Variants in AGBL4 observed in about 807,000 individuals in gnomAD.
The protein encoded by AGBL4 is cytosolic carboxypeptidase 6.
Under a neutral mutation model 66.4 loss-of-function variants are expected in AGBL4, and 58 were observed. The observed-to-expected ratio is 0.87, with a 90% confidence interval of 0.71 to 1.09. The LOEUF is 1.09. AGBL4 is among the 50% of genes least tolerant of loss of function. The pLI is 0.00. For synonymous variants in AGBL4, 234 were observed against 222.9 expected (o/e 1.05, Z -0.44); for missense variants, 579 against 631.0 (o/e 0.92, Z 0.88).
chr1:49,843,811 G>A (rs953973990), intron 2 of AGBL4, among the ~76,000 whole-genome samples: 2 of 152,028 alleles, frequency 1.3e-5, no homozygotes, highest in African/African-American at 4.8e-5. Context: ...ACAATATGGG[G>A]AAGGTACCCA....
At chr1:49,961,229 C>A (rs5005268) in intron 1 of AGBL4, among the ~76,000 whole-genome samples, 91,752 of 151,978 alleles carry the variant, frequency 0.6, 28,366 homozygotes, top group Non-Finnish European at 0.67. Flanking sequence ...TTGTTCTTGG[C>A]AAGTCATGGT....
chr1:48,548,955 G>A (rs1644208811), intron 11 of AGBL4, among the ~76,000 whole-genome samples: 1 of 152,152 alleles, frequency 6.6e-6, no homozygotes, highest in South Asian at 2.1e-4. Context: ...TGTTCTAGGA[G>A]CTAGGATACA....
At chr1:49,787,493 ACT>A (rs1336932320) in intron 2 of AGBL4, among the ~76,000 whole-genome samples, 7 of 146,258 alleles carry the variant, frequency 4.8e-5, no homozygotes, top group Middle Eastern at 3.5e-3. Context: ...ACAGAGCGAG[ACT>A]CTGTCTCAAA....
chr1:49,332,671 C>T (rs893982226), intron 3 of AGBL4, among the ~76,000 whole-genome samples: 3 of 152,126 alleles, frequency 2.0e-5, no homozygotes, highest in African/African-American at 7.2e-5. Context: ...TTAGTAACAT[C>T]AAGTTTAACA....
intron 3 of AGBL4, among the ~76,000 whole-genome samples, chr1:49,277,409 C>A (rs1384893671): frequency 6.6e-6 from 1 of 152,070 alleles, no homozygotes; most frequent in Non-Finnish European, 1.5e-5. Context: ...ATTTCAGTTT[C>A]TTTTCTTGAT....
At chr1:49,279,150 C>T (rs1644227565) in intron 3 of AGBL4, among the ~76,000 whole-genome samples, 1 of 152,114 alleles carries the variant, frequency 6.6e-6, no homozygotes, top group Admixed American at 6.5e-5. Flanking sequence ...ACTGAGATCT[C>T]CCCTTTGTTT....
At chr1:49,308,524 A>T (rs1644889209) in intron 3 of AGBL4, among the ~76,000 whole-genome samples, 2 of 152,110 alleles carry the variant, frequency 1.3e-5, no homozygotes, top group Non-Finnish European at 2.9e-5. Flanking sequence ...AGGTCCAGAA[A>T]AAAAAAAGAA....
At chr1:48,886,007 T>A (rs1293065455) in intron 5 of AGBL4, among the ~76,000 whole-genome samples, 2 of 152,140 alleles carry the variant, frequency 1.3e-5, no homozygotes, top group African/African-American at 2.4e-5. Flanking sequence ...ACCCACGAGC[T>A]CCCTTTCCCT....
intron 4 of AGBL4, among the ~76,000 whole-genome samples, chr1:49,155,587 C>T (rs1156381268): frequency 6.6e-6 from 1 of 151,996 alleles, no homozygotes; most frequent in Admixed American, 6.6e-5. Context: ...TTTATTTATC[C>T]TATAGACACT....
chr1:48,675,143 A>G (rs1646343824), intron 6 of AGBL4, among the ~76,000 whole-genome samples: 1 of 152,138 alleles, frequency 6.6e-6, no homozygotes, highest in African/African-American at 2.4e-5. Flanking sequence ...TGTGTGAAAC[A>G]GACCCCCCCG....
At chr1:49,873,730 T>A (rs544856429) in intron 1 of AGBL4, among the ~76,000 whole-genome samples, 1 of 152,088 alleles carries the variant, frequency 6.6e-6, no homozygotes, top group East Asian at 1.9e-4. Context: ...CTCAAAATCA[T>A]CTTTGGAGAA....
At chr1:49,469,613 G>T (rs562083121) in intron 3 of AGBL4, among the ~76,000 whole-genome samples, 1 of 151,844 alleles carries the variant, frequency 6.6e-6, no homozygotes, top group Non-Finnish European at 1.5e-5. Context: ...CATCTCATAA[G>T]ACACCCCTAA....
intron 4 of AGBL4, among the ~76,000 whole-genome samples, chr1:49,053,522 G>A (rs1206578078): frequency 1.3e-5 from 2 of 152,118 alleles, no homozygotes; most frequent in African/African-American, 4.8e-5. Context: ...CAGGTTACTA[G>A]TTAGTGGGAT....
At chr1:49,258,621 A>G (rs1652782540) in intron 3 of AGBL4, among the ~76,000 whole-genome samples, 1 of 152,216 alleles carries the variant, frequency 6.6e-6, no homozygotes. Context: ...GAATAAAAAG[A>G]AACAAACAAA....
chr1:49,207,001 A>G (rs1029135265), intron 4 of AGBL4, among the ~76,000 whole-genome samples: 26 of 152,080 alleles, frequency 1.7e-4, no homozygotes, highest in African/African-American at 1.4e-4. Context: ...TGATTCCCCA[A>G]TCTGGGGAGA....
intron 5 of AGBL4, among the ~76,000 whole-genome samples, chr1:48,937,037 T>A (rs1655538636): frequency 6.6e-6 from 1 of 152,320 alleles, no homozygotes; most frequent in African/African-American, 2.4e-5. Flanking sequence ...TCATCCAATC[T>A]TCTTCCTTGA....
chr1:48,940,935 G>A (rs1655915394), intron 5 of AGBL4, among the ~76,000 whole-genome samples: 1 of 152,154 alleles, frequency 6.6e-6, no homozygotes, highest in Admixed American at 6.5e-5. Flanking sequence ...CCTTTTCAGG[G>A]GTTCTGACAA....
chr1:49,845,814 C>T (rs1646127414), intron 2 of AGBL4: 1 of 1,534,568 alleles, frequency 6.5e-7, no homozygotes, highest in East Asian at 2.3e-5. Flanking sequence ...AGCGGATGCA[C>T]ACAGGAGAGA....
chr1:49,224,547 G>T (rs1166988108), intron 4 of AGBL4, among the ~76,000 whole-genome samples: 2 of 149,084 alleles, frequency 1.3e-5, no homozygotes, highest in East Asian at 4.0e-4. Flanking sequence ...GACCCAGGAG[G>T]CAGAGCTTGC....
Sources: allele counts gnomAD v4.1 joint callset (sites outside exome capture counted in the v4.1 genomes callset), GRCh38; gene constraint gnomAD v4.1.1; transcripts MANE v1.5; gene names NCBI Gene and HGNC (gene_info 2026-07-23, HGNC 2026-07-21).